The following FOCAD variants were observed in gnomAD, a reference collection of about 807,000 sequenced individuals.
FOCAD encodes the protein KIAA1797.
A neutral mutation model predicts 225.6 loss-of-function variants in FOCAD; 198 were observed. The ratio of observed to expected loss-of-function variants is 0.88; its 90% CI spans 0.78 to 0.99. The LOEUF (loss-of-function observed/expected upper bound fraction) is 0.99, where lower values mean the gene tolerates loss of function less well. Among genes scored for constraint, FOCAD ranks in the 50% least tolerant of loss-of-function variants. The pLI, the probability that FOCAD is intolerant of heterozygous loss-of-function variation, is 0.00. For synonymous variants in FOCAD, 897 were observed against 755.0 expected (o/e 1.19, Z -3.08); for missense variants, 2,713 against 2,123.6 (o/e 1.28, Z -5.46).
chr9:20,692,609 G>A (rs1483460503), intron 1 of FOCAD, among the ~76,000 whole-genome samples: 1 of 152,238 alleles, frequency 6.6e-6, no homozygotes, highest in Non-Finnish European at 1.5e-5. Flanking sequence ...GCTCACTCAT[G>A]TAGTGATCGG....
intron 15 of FOCAD, among the ~76,000 whole-genome samples, chr9:20,862,058 T>C (rs1828819457): frequency 6.6e-6 from 1 of 152,110 alleles, no homozygotes. Flanking sequence ...TTATGTTAAA[T>C]ACTGTAGTTA....
Position 20,740,269 on chromosome 9 carries a change from C to T in FOCAD, c.321C>T (p.His107=). The change falls in exon 5 of 44, where the codon CAC becomes CAT. Residue 107 remains histidine, a synonymous_variant. Transcript: ENST00000338382. ...NTHGLIKAIM[H]LLQMQALKEG... ...ATGGCTTGATAAAAGCCATTATGCACTTACTACAAATGCAAGCTCTTAAGG... is the reference window on the plus strand; with the variant it reads ...ATGGCTTGATAAAAGCCATTATGCATTTACTACAAATGCAAGCTCTTAAGG... The T allele has an allele frequency of 6.2e-7, 1 of 1,611,610 alleles. No homozygotes were observed. Among genetic ancestry groups the T allele is most frequent in the Non-Finnish European group, 8.5e-7 (1 of 1,178,302 alleles).
intron 11 of FOCAD, among the ~76,000 whole-genome samples, chr9:20,798,092 C>G (rs990622469): frequency 1.4e-4 from 21 of 152,142 alleles, no homozygotes; most frequent in African/African-American, 4.1e-4. Context: ...TTTTCTGCAT[C>G]TATTGAGATA....
chr9:20,782,084 A>T (rs1168460089), intron 10 of FOCAD, among the ~76,000 whole-genome samples, 155 bp downstream of exon 10: 1 of 151,738 alleles, frequency 6.6e-6, no homozygotes, highest in Non-Finnish European at 1.5e-5. Flanking sequence ...ATTCTTCTGG[A>T]CTATAAGAAG....
intron 23 of FOCAD, 150 bp downstream of exon 23, chr9:20,913,104 C>A: frequency 1.7e-6 from 1 of 572,088 alleles, no homozygotes; most frequent in Non-Finnish European, 3.1e-6. Context: ...TAGGTGTATT[C>A]CCTAGATAGG....
intron 19 of FOCAD, among the ~76,000 whole-genome samples, chr9:20,877,592 A>G (rs1297030587): frequency 6.6e-6 from 1 of 152,190 alleles, no homozygotes; most frequent in African/African-American, 2.4e-5. Flanking sequence ...ATATGTATAA[A>G]TGCTTATCAC....
intron 5 of FOCAD, among the ~76,000 whole-genome samples, chr9:20,752,116 C>G (rs1388740174): frequency 1.4e-5 from 2 of 147,598 alleles, no homozygotes; most frequent in Non-Finnish European, 1.5e-5. Context: ...GTTGCCTGTT[C>G]ACTCTGATGG....
At chr9:20,810,918 A>G (rs532257969) in intron 11 of FOCAD, among the ~76,000 whole-genome samples, 1 of 152,132 alleles carries the variant, frequency 6.6e-6, no homozygotes, top group South Asian at 2.1e-4. Flanking sequence ...TATTTTCTAC[A>G]TACTAGGAAA....
chr9:20,898,408 G>A (rs1240578789), intron 21 of FOCAD, among the ~76,000 whole-genome samples: 1 of 151,172 alleles, frequency 6.6e-6, no homozygotes, highest in Non-Finnish European at 1.5e-5. Context: ...TAGATATTCT[G>A]TTTTCTTTGC....
chr9:20,909,435 A>T (rs957493896), intron 22 of FOCAD, among the ~76,000 whole-genome samples: 2 of 152,114 alleles, frequency 1.3e-5, no homozygotes, highest in Non-Finnish European at 2.9e-5. Flanking sequence ...ATTAATTGTT[A>T]TAATGAATAA....
intron 1 of FOCAD, among the ~76,000 whole-genome samples, chr9:20,695,237 G>A (rs914426716): frequency 6.6e-6 from 1 of 152,062 alleles, no homozygotes; most frequent in Non-Finnish European, 1.5e-5. Flanking sequence ...GCCTGTGTAT[G>A]TCCTATTCCA....
intron 11 of FOCAD, among the ~76,000 whole-genome samples, chr9:20,813,037 A>G (rs375309341): frequency 5.9e-5 from 9 of 151,942 alleles, no homozygotes; most frequent in East Asian, 3.9e-4. Flanking sequence ...TCCCTCCCCA[A>G]CTGTCTGGCA....
chr9:20,969,139 A>G (rs1839536271), intron 35 of FOCAD, among the ~76,000 whole-genome samples: 1 of 152,048 alleles, frequency 6.6e-6, no homozygotes, highest in Non-Finnish European at 1.5e-5. Context: ...AATACTTGGT[A>G]TGGTTTTAGT....
chr9:20,667,075 C>T (rs182669746), intron 2 of FOCAD, among the ~76,000 whole-genome samples: 2 of 152,184 alleles, frequency 1.3e-5, no homozygotes, highest in African/African-American at 4.8e-5. Context: ...ACAGTTTCCT[C>T]CATTGTTCTC....
At chr9:20,678,959 C>A (rs1396343396) in intron 2 of FOCAD, among the ~76,000 whole-genome samples, 1 of 152,038 alleles carries the variant, frequency 6.6e-6, no homozygotes, top group Non-Finnish European at 1.5e-5. Context: ...TAGGCCTTAT[C>A]CAGAAGGTAA....
chr9:20,874,805 C>G lies in FOCAD; in HGVS notation c.2315C>G (p.Pro772Arg). The change falls in exon 19 of 44, where the codon CCA becomes CGA. Residue 772 changes from proline to arginine, a missense_variant and splice_region_variant. Coordinates refer to ENST00000338382, the MANE Select transcript of FOCAD (RefSeq NM_001375567.1). ...LLSLTPPLVL[P>R]ALEEFFTSLV... Reference sequence around the variant, plus strand: ...TCACTCACTCCCCCTTTGGTTTTACCAGGTGACTCCTATTTGGTAGTAGAG... The same window carrying G: ...TCACTCACTCCCCCTTTGGTTTTACGAGGTGACTCCTATTTGGTAGTAGAG... 6.2e-7 allele frequency: 1 copy of G among 1,613,414 alleles called. No individual in the cohort carries two copies. The highest frequency in any genetic ancestry group is 8.5e-7 in the Non-Finnish European group (1 of 1,179,578).
chr9:20,746,038 C>T (rs144764278), intron 5 of FOCAD, among the ~76,000 whole-genome samples: 319 of 152,202 alleles, frequency 2.1e-3, no homozygotes, highest in African/African-American at 7.2e-3. Flanking sequence ...TTCCTTATCA[C>T]TGAGGGCAAA....
rs1189258204 is a variant in FOCAD at position 20,908,371 on chromosome 9, A to C, written c.2718+1129A>C. Among the ~76,000 whole-genome samples, 8 of 151,996 alleles carry C rather than the reference A, an allele frequency of 5.3e-5. No homozygotes were observed. In the East Asian group the frequency reaches 1.6e-3, roughly 29 times the overall value. ...TCTGGGCAATGGTGTTCTAATCTCA[A>C]ATTAAAACCTTTTTACAACCCATCT... is the stretch of plus-strand genomic sequence containing the variant. On this transcript the variant is annotated intron_variant, in intron 22 of 43. Transcript: ENST00000338382.
At chr9:20,744,320 T>C (rs368853102) in intron 5 of FOCAD, among the ~76,000 whole-genome samples, 2 of 152,222 alleles carry the variant, frequency 1.3e-5, no homozygotes, top group African/African-American at 2.4e-5. Context: ...AGTGGTTTAC[T>C]GACCAGGCTT....
Sources: gnomAD v4.1 joint callset for allele counts (sites outside exome capture counted in the v4.1 genomes callset) on GRCh38, gnomAD v4.1.1 for gene constraint, MANE v1.5 for transcripts, NCBI Gene and HGNC (gene_info 2026-07-23, HGNC 2026-07-21) for gene names.